Variants in ACTR3C observed in about 807,000 individuals in gnomAD.
ACTR3C encodes the protein actin-related protein 3C.
In ACTR3C, 18 loss-of-function variants were observed where a neutral mutation model predicts 26.3. The ratio of observed to expected loss-of-function variants is 0.68; its 90% confidence interval spans 0.47 to 1.01. The LOEUF is 1.01. Ranked by LOEUF, ACTR3C falls within the 50% of genes least tolerant of loss-of-function variation. The pLI, the probability that ACTR3C is intolerant of heterozygous loss-of-function variation, is 0.00. For missense variants in ACTR3C, 184 were observed against 250.7 expected (o/e 0.73, Z 1.80); for synonymous variants, 55 against 94.5 (o/e 0.58, Z 2.42).
chr7:150,291,383 C>T (rs1439232832), intron 3 of ACTR3C, among the ~76,000 whole-genome samples: 7 of 152,110 alleles, frequency 4.6e-5, no homozygotes, highest in African/African-American at 1.4e-4. Context: ...GTGCCGAGAT[C>T]GTGCCATTGC....
At chr7:150,161,226 T>TATATATATATATATATATA in the ACTR3C span, among the ~76,000 whole-genome samples, 1 of 78,876 alleles carries the variant, frequency 1.3e-5, no homozygotes, top group Non-Finnish European at 2.4e-5. Context: ...ATATATATAT[T>TATATATATATATATATATA]TATTATACTT....
At chr7:150,302,726 G>A (rs1391265626) in intron 1 of ACTR3C, 1 of 152,066 alleles carries the variant, frequency 6.6e-6, no homozygotes, top group Non-Finnish European at 1.5e-5. Flanking sequence ...AGTGAAGGGG[G>A]AAATGATCTC....
the ACTR3C span, among the ~76,000 whole-genome samples, chr7:149,999,872 A>C: frequency 6.6e-6 from 1 of 152,042 alleles, no homozygotes; most frequent in South Asian, 2.1e-4. Flanking sequence ...TTGCTACACA[A>C]CCATAACTAC....
chr7:150,117,960 C>T, the ACTR3C span, among the ~76,000 whole-genome samples: 3 of 152,158 alleles, frequency 2.0e-5, no homozygotes, highest in African/African-American at 4.8e-5. Context: ...GAGTGGACCT[C>T]CAGCAAACTC....
At chr7:150,041,009 G>A in the ACTR3C span, among the ~76,000 whole-genome samples, 8 of 150,730 alleles carry the variant, frequency 5.3e-5, no homozygotes, top group African/African-American at 9.9e-5. Context: ...GTTTAGAGAC[G>A]TAGGCTACCG....
the ACTR3C span, among the ~76,000 whole-genome samples, chr7:150,172,171 C>T: frequency 0.14 from 21,460 of 150,260 alleles, 3,263 homozygotes; most frequent in African/African-American, 0.32. Flanking sequence ...GGCACCTGAC[C>T]TTCATGTGCC....
chr7:149,961,221 G>A, the ACTR3C span, among the ~76,000 whole-genome samples: 1 of 151,908 alleles, frequency 6.6e-6, no homozygotes, highest in South Asian at 2.1e-4. Context: ...TGTGCTCACA[G>A]GAATTGCACA....
At chr7:150,014,455 CAAAAA>C in the ACTR3C span, among the ~76,000 whole-genome samples, 4 of 111,678 alleles carry the variant, frequency 3.6e-5, no homozygotes, top group Admixed American at 9.1e-5. Flanking sequence ...GACTCCGTCT[CAAAAA>C]AAAAAAAAAA....
the ACTR3C span, chr7:150,047,941 TA>T: frequency 1.5e-4 from 184 of 1,226,842 alleles, no homozygotes; most frequent in East Asian, 6.4e-4. Context: ...CGCTCCAGAT[TA>T]AAAAAAAGGC....
At chr7:150,068,782 C>CAAAAAAAAAAAAAAAAAA in the ACTR3C span, among the ~76,000 whole-genome samples, 2 of 76,758 alleles carry the variant, frequency 2.6e-5, 1 homozygote, top group Non-Finnish European at 5.5e-5. Context: ...GACTCCGTCC[C>CAAAAAAAAAAAAAAAAAA]AAAAAAAAAA....
the ACTR3C span, among the ~76,000 whole-genome samples, chr7:149,925,927 G>T: frequency 6.6e-6 from 1 of 152,030 alleles, no homozygotes; most frequent in Non-Finnish European, 1.5e-5. Flanking sequence ...GCCCGATGTG[G>T]TGGCATGCAC....
the ACTR3C span, among the ~76,000 whole-genome samples, chr7:150,192,499 G>A: frequency 6.6e-6 from 1 of 151,986 alleles, no homozygotes; most frequent in African/African-American, 2.4e-5. Context: ...ACGACGTCTC[G>A]CTCTGTTGCC....
chr7:150,320,259 C>A (rs1797365924), intron 1 of ACTR3C, among the ~76,000 whole-genome samples: 1 of 152,128 alleles, frequency 6.6e-6, no homozygotes, highest in Non-Finnish European at 1.5e-5. Flanking sequence ...AGTAGGGTAT[C>A]CTCAGGAAGC....
At chr7:150,133,149 C>A in the ACTR3C span, among the ~76,000 whole-genome samples, 1 of 152,164 alleles carries the variant, frequency 6.6e-6, no homozygotes, top group East Asian at 1.9e-4. Context: ...GTATCACAGG[C>A]AGCTCTCATG....
At chr7:150,008,979 A>C in the ACTR3C span, among the ~76,000 whole-genome samples, 2 of 152,246 alleles carry the variant, frequency 1.3e-5, no homozygotes, top group Non-Finnish European at 2.9e-5. Flanking sequence ...AAGAGAGGGC[A>C]CCGAACATCT....
the ACTR3C span, among the ~76,000 whole-genome samples, chr7:150,039,445 C>A: frequency 8.6e-5 from 4 of 46,550 alleles, no homozygotes; most frequent in Non-Finnish European, 1.5e-4. Context: ...TGCCTCCCCC[C>A]CTGCGATGGG....
the ACTR3C span, among the ~76,000 whole-genome samples, chr7:150,237,838 G>A: frequency 6.6e-6 from 1 of 151,202 alleles, no homozygotes; most frequent in South Asian, 2.1e-4. Context: ...TCCTTCCACT[G>A]GGAGCAGACT....
chr7:150,026,991 C>T, the ACTR3C span, among the ~76,000 whole-genome samples: 1 of 151,864 alleles, frequency 6.6e-6, no homozygotes, highest in Non-Finnish European at 1.5e-5. Context: ...GAAAATCAAA[C>T]CGAGGCTTAA....
the ACTR3C span, among the ~76,000 whole-genome samples, chr7:150,086,229 C>T: frequency 6.6e-6 from 1 of 152,180 alleles, no homozygotes; most frequent in Non-Finnish European, 1.5e-5. Context: ...AGTGATCCAC[C>T]TGCCTCAGCC....
Sources: gnomAD v4.1 joint callset for allele counts (sites outside exome capture counted in the v4.1 genomes callset) on GRCh38, gnomAD v4.1.1 for gene constraint, MANE v1.5 for transcripts, NCBI Gene and HGNC (gene_info 2026-07-23, HGNC 2026-07-21) for gene names.